ADGRL4: variants seen among roughly 807,000 people sequenced by gnomAD.
ADGRL4 encodes the protein EGF, latrophilin and seven transmembrane domain containing 1.
In ADGRL4, 90 loss-of-function variants were observed where a neutral mutation model predicts 74.8. The ratio of observed to expected loss-of-function variants is 1.20; its 90% confidence interval spans 1.02 to 1.43. The LOEUF is 1.43. Among genes scored for constraint, ADGRL4 ranks in the 40% most tolerant of loss-of-function variants. The probability of loss-of-function intolerance (pLI) is 0.00; values close to 1 mark genes in which losing one functional copy is unlikely to be tolerated. For missense variants in ADGRL4, 881 were observed against 814.3 expected, an observed-to-expected ratio of 1.08 and a Z score of -1.00; for synonymous variants, 311 against 279.2, an observed-to-expected ratio of 1.11 and a Z score of -1.14.
rs991157499 is a variant in ADGRL4 at position 78,998,584 on chromosome 1, G to T, written c.172+6486C>A. Among the ~76,000 whole-genome samples, 10 of 151,878 alleles carry T rather than the reference G, an allele frequency of 6.6e-5. No individual in the cohort carries two copies. The South Asian group carries it at 2.1e-3, about 32-fold the overall frequency. Reference sequence around the variant, plus strand: ...GGGGTTTCACCATGTTTGCCAGGATGGTCGCTATCTCGACATGGTGACCCA... The same window carrying T: ...GGGGTTTCACCATGTTTGCCAGGATTGTCGCTATCTCGACATGGTGACCCA... On this transcript the variant is annotated intron_variant, in intron 2 of 14. Coordinates refer to ENST00000370742, the MANE Select transcript of ADGRL4 (RefSeq NM_022159.4).
At chr1:78,951,244 G>A (rs1051699391) in intron 2 of ADGRL4, among the ~76,000 whole-genome samples, 2 of 151,934 alleles carry the variant, frequency 1.3e-5, no homozygotes, top group African/African-American at 4.8e-5. Flanking sequence ...GTTTTTTGTT[G>A]TCCTTTGTAT....
chr1:78,929,639 T>C (rs954951277), intron 7 of ADGRL4, among the ~76,000 whole-genome samples: 10 of 151,664 alleles, frequency 6.6e-5, no homozygotes, highest in South Asian at 6.2e-4. Flanking sequence ...AATTAATAAA[T>C]ACTTGCAGAC....
intron 12 of ADGRL4, among the ~76,000 whole-genome samples, chr1:78,915,284 G>C (rs12049419): frequency 0.088 from 13,313 of 151,684 alleles, 771 homozygotes; most frequent in East Asian, 0.33. Context: ...TTCACATTTG[G>C]CTCGAAATCA....
intron 7 of ADGRL4, among the ~76,000 whole-genome samples, chr1:78,934,435 A>C (rs2100684579): frequency 6.6e-6 from 1 of 152,334 alleles, no homozygotes; most frequent in African/African-American, 2.4e-5. Flanking sequence ...TGTAAAACCC[A>C]AAACCATAAA....
In ADGRL4 at chr1:78,942,173, CAAAAAAAAAA is replaced by C. The variant is rs398049382; in HGVS notation, c.326-2925_326-2916del. On this transcript the variant is annotated intron_variant, in intron 3 of 14. Transcript: ENST00000370742. Reference sequence around the variant, plus strand: ...TGGGTGACAGAGCGAGACTCCGTCTCAAAAAAAAAAAAAAAAAAAAAAAAAAGACACCTTC... The same window carrying C: ...TGGGTGACAGAGCGAGACTCCGTCTCAAAAAAAAAAAAAAAAGACACCTTC... Among the ~76,000 whole-genome samples, 152 of 73,624 alleles carry C rather than the reference CAAAAAAAAAA, an allele frequency of 2.1e-3. 2 individuals carry two copies. Among genetic ancestry groups the C allele is most frequent in the Admixed American group, 0.017 (97 of 5,744 alleles). The allele number at this position is 73,624 out of a possible 152,430, so 48.3% of individuals were successfully genotyped here. A position where few individuals can be genotyped will look rare whatever the true frequency, so the allele number is the denominator to read the frequency against.
chr1:78,963,380 A>G (rs1354806463), intron 2 of ADGRL4, among the ~76,000 whole-genome samples: 2 of 152,106 alleles, frequency 1.3e-5, no homozygotes, highest in Non-Finnish European at 2.9e-5. Flanking sequence ...CCTGATCTCA[A>G]ACTTCTCTGA....
At chr1:78,926,078 A>C (rs1649107309) in intron 8 of ADGRL4, among the ~76,000 whole-genome samples, 2 of 152,030 alleles carry the variant, frequency 1.3e-5, no homozygotes, top group African/African-American at 4.8e-5. Flanking sequence ...TTTACTTAAC[A>C]GTGGCATGTT....
intron 2 of ADGRL4, among the ~76,000 whole-genome samples, chr1:78,971,471 G>A (rs575221960): frequency 1.7e-3 from 255 of 152,164 alleles, no homozygotes; most frequent in Middle Eastern, 3.4e-3. Flanking sequence ...TTGCAGGGGG[G>A]AAAAGCCTGG....
intron 10 of ADGRL4, 116 bp downstream of exon 10, chr1:78,920,067 T>C (rs1371284788): frequency 2.7e-6 from 2 of 745,134 alleles, no homozygotes; most frequent in Non-Finnish European, 4.1e-6. Flanking sequence ...AAGAACAAAT[T>C]ATAGAGAACG....
chr1:78,951,937 C>A (rs1649731187), intron 2 of ADGRL4, among the ~76,000 whole-genome samples: 1 of 152,106 alleles, frequency 6.6e-6, no homozygotes, highest in Non-Finnish European at 1.5e-5. Flanking sequence ...ACATTTTTGA[C>A]CATAAACCAT....
chr1:78,963,564 T>G (rs898624621), intron 2 of ADGRL4, among the ~76,000 whole-genome samples: 19 of 152,230 alleles, frequency 1.2e-4, no homozygotes, highest in Non-Finnish European at 1.9e-4. Context: ...TCTTGAATTC[T>G]TGTTTTATAC....
chr1:78,990,304 T>C (rs995954629), intron 2 of ADGRL4, among the ~76,000 whole-genome samples: 1 of 151,902 alleles, frequency 6.6e-6, no homozygotes, highest in Non-Finnish European at 1.5e-5. Flanking sequence ...AAGAAAAATT[T>C]TTTTCATTAG....
At chr1:78,902,059 T>C (rs1236094542) in intron 12 of ADGRL4, among the ~76,000 whole-genome samples, 2 of 152,206 alleles carry the variant, frequency 1.3e-5, no homozygotes, top group Non-Finnish European at 2.9e-5. Flanking sequence ...TTTAATAGAT[T>C]GCTCTGGGAT....
intron 8 of ADGRL4, among the ~76,000 whole-genome samples, chr1:78,925,348 A>T (rs143790362): frequency 6.6e-6 from 1 of 152,124 alleles, no homozygotes; most frequent in African/African-American, 2.4e-5. Flanking sequence ...AAATGCGCTC[A>T]TTTTTTTAAG....
At chr1:78,929,438 C>G (rs1268583574) in intron 7 of ADGRL4, among the ~76,000 whole-genome samples, 1 of 151,220 alleles carries the variant, frequency 6.6e-6, no homozygotes, top group African/African-American at 2.5e-5. Flanking sequence ...TCACTGGAGC[C>G]CTGGGAGGTC....
At chr1:78,926,355 T>C (rs1316274734) in intron 8 of ADGRL4, among the ~76,000 whole-genome samples, 10 of 151,958 alleles carry the variant, frequency 6.6e-5, no homozygotes, top group Non-Finnish European at 1.5e-5. Context: ...TGCTTTTTTA[T>C]TGTATAGCTT....
intron 7 of ADGRL4, among the ~76,000 whole-genome samples, chr1:78,934,962 T>C (rs548732462): frequency 6.6e-6 from 1 of 152,322 alleles, no homozygotes; most frequent in South Asian, 2.1e-4. Flanking sequence ...AGTGGGAATG[T>C]AAATTAGTTC....
At chr1:78,953,540 A>G (rs147330957) in intron 2 of ADGRL4, among the ~76,000 whole-genome samples, 2 of 152,300 alleles carry the variant, frequency 1.3e-5, no homozygotes, top group East Asian at 3.9e-4. Context: ...GTGTCTTTAT[A>G]ATTTTCTAAC....
At chr1:78,966,846 C>A in intron 2 of ADGRL4, among the ~76,000 whole-genome samples, 1 of 150,278 alleles carries the variant, frequency 6.7e-6, no homozygotes, top group Non-Finnish European at 1.5e-5. Context: ...AACTTTTAAG[C>A]TAGTTTTTTT....
Sources: gnomAD v4.1 joint callset for allele counts (sites outside exome capture counted in the v4.1 genomes callset) on GRCh38, gnomAD v4.1.1 for gene constraint, MANE v1.5 for transcripts, NCBI Gene and HGNC (gene_info 2026-07-23, HGNC 2026-07-21) for gene names.